EP400: variants seen among roughly 807,000 people sequenced by gnomAD.
EP400 encodes E1A binding protein p400.
EP400 carries 105 observed loss-of-function variants against 354.1 expected under a neutral mutation model. The observed-to-expected ratio is 0.30, with a 90% confidence interval of 0.25 to 0.35. The LOEUF (loss-of-function observed/expected upper bound fraction) is 0.35, where lower values mean the gene tolerates loss of function less well. Among genes scored for constraint, EP400 ranks in the 10% least tolerant of loss-of-function variants. The probability of loss-of-function intolerance (pLI) is 1.00; values close to 1 mark genes in which losing one functional copy is unlikely to be tolerated. For missense variants in EP400, 3,280 were observed against 4,121.0 expected, an observed-to-expected ratio of 0.80 and a Z score of 5.59; for synonymous variants, 1,646 against 1,716.9, an observed-to-expected ratio of 0.96 and a Z score of 1.02.
intron 51 of EP400, among the ~76,000 whole-genome samples, chr12:132,073,919 GTTTTT>G (rs34186152): frequency 2.4e-5 from 2 of 82,122 alleles, no homozygotes; most frequent in African/African-American, 5.7e-5. Flanking sequence ...GTTTTTTGGG[GTTTTT>G]TTTTTTTTTT....
Position 131,960,742 on chromosome 12 carries a change from C to T in EP400, c.123C>T (p.Pro41=), listed in dbSNP as rs1013165044. Residue 41 remains proline, a synonymous_variant, in exon 2 of 53, where the codon CCC becomes CCT. Coordinates refer to ENST00000389561, the MANE Select transcript of EP400 (RefSeq NM_015409.5). ...HPNPPPSPAA[P]FAPSASPSAP... ...ACCCACCCCCGTCCCCCGCAGCTCC[C>T]TTCGCTCCCTCAGCAAGCCCGTCGG... is the stretch of plus-strand genomic sequence containing the variant. 2.5e-6 allele frequency: 4 copies of T among 1,611,102 alleles called. No individual in the cohort carries two copies. Among genetic ancestry groups the T allele is most frequent in the Non-Finnish European group, 3.4e-6 (4 of 1,179,550 alleles).
At chr12:132,037,033 T>C (rs1470312740) in intron 30 of EP400, among the ~76,000 whole-genome samples, 1 of 152,212 alleles carries the variant, frequency 6.6e-6, no homozygotes, top group Admixed American at 6.5e-5. Context: ...GTGAGCTTTT[T>C]TGAGGTTTAG....
Position 131,985,622 on chromosome 12 carries a change from T to G in EP400, c.1930-892T>G, listed in dbSNP as rs140859564. Among the ~76,000 whole-genome samples the G allele has an allele frequency of 2.1e-3, 322 of 152,344 alleles. 3 individuals carry two copies. Among genetic ancestry groups the G allele is most frequent in the African/African-American group, 7.4e-3 (306 of 41,582 alleles). On this transcript the variant is annotated intron_variant, in intron 5 of 52. Transcript: ENST00000389561. ...GTGCGAAGAGGAGGACTTTTCTTTT[T>G]TTGAGACGGAGTTTTGCTCTTGTTC...
chr12:132,009,766 C>G (rs1348224288), intron 15 of EP400, among the ~76,000 whole-genome samples: 1 of 151,232 alleles, frequency 6.6e-6, no homozygotes, highest in Non-Finnish European at 1.5e-5. Flanking sequence ...CTCCAGTGAT[C>G]AACCCTCCTG....
chr12:132,061,961 A>G (rs1895709613), intron 45 of EP400, 149 bp from the exon 46 acceptor site: 6 of 654,496 alleles, frequency 9.2e-6, no homozygotes, highest in Middle Eastern at 4.2e-4. Context: ...TACACATGAA[A>G]TCAGCAGTTT....
In EP400 at chr12:132,060,001, T is replaced by C. The variant is rs563476575; in HGVS notation, c.7885-2109T>C. 3.3e-5 allele frequency among the ~76,000 whole-genome samples: 5 copies of C among 151,370 alleles called. No individual in the cohort carries two copies. The East Asian group carries it at 7.8e-4, about 23-fold the overall frequency. ...TCACACCATTGCTCTCCAGCCTGGG[T>C]GACAGAGCGAGACTCCGTTAAAAAA... On this transcript the variant is annotated intron_variant, in intron 45 of 52. Coordinates refer to ENST00000389561, the MANE Select transcript of EP400 (RefSeq NM_015409.5).
At chr12:132,033,240 G>A (rs914343457) in intron 30 of EP400, among the ~76,000 whole-genome samples, 8 of 152,094 alleles carry the variant, frequency 5.3e-5, no homozygotes, top group East Asian at 1.9e-4. Context: ...GAGCCACCGC[G>A]CCTGGCCTAT....
Position 131,990,160 on chromosome 12 carries a change from G to T in EP400, c.2550+56G>T, listed in dbSNP as rs1297752087. ...GAATCAGTCTGTCGGAGCTGGTGAG[G>T]CCACTTCCCGAGACCAGAGCTCGGG... On this transcript the variant is annotated intron_variant, in intron 8 of 52. Transcript: ENST00000389561. This position sits in a 1 kb window ranked among gnomAD's most constrained non-coding sequence, Gnocchi z 4.2. The T allele has an allele frequency of 3.9e-6, 6 of 1,551,676 alleles. No individual in the cohort carries two copies. The highest frequency in any genetic ancestry group is 5.2e-6 in the Non-Finnish European group (6 of 1,154,556).
chr12:132,058,279 G>A (rs918807790), intron 45 of EP400, among the ~76,000 whole-genome samples: 4 of 151,672 alleles, frequency 2.6e-5, no homozygotes, highest in Non-Finnish European at 4.4e-5. Context: ...TTATTGAGTG[G>A]CTTCTGTGTG....
Position 132,054,703 on chromosome 12 carries a change from G to A in EP400, c.7729-271G>A, listed in dbSNP as rs557180007. On this transcript the variant is annotated intron_variant, in intron 43 of 52. Transcript: ENST00000389561. This position sits in a 1 kb window ranked among gnomAD's most constrained non-coding sequence, Gnocchi z 4.0. The stretch of plus-strand genomic sequence containing the variant: ...GGGTGGATGAATGGAGTGGAGGGAC[G>A]GAGGAGTGGAGGGACAGTGGGGTGA... Among the ~76,000 whole-genome samples, 8 of 152,040 alleles carry A rather than the reference G, an allele frequency of 5.3e-5. No individual in the cohort carries two copies. The highest frequency in any genetic ancestry group is 1.3e-4 in the Admixed American group (2 of 15,276).
chr12:132,032,410 A>T (rs1416032906), intron 30 of EP400, among the ~76,000 whole-genome samples: 3 of 152,114 alleles, frequency 2.0e-5, no homozygotes, highest in African/African-American at 7.2e-5. Context: ...TATACTCAAC[A>T]TTTGCTTGAA....
rs913709941 is a variant in EP400 at position 132,021,305 on chromosome 12, C to G, written c.4674C>G (p.Ala1558=). The G allele has an allele frequency of 6.6e-7, 1 of 1,521,984 alleles. No individual in the cohort carries two copies. The highest frequency in any genetic ancestry group is 2.0e-5 in the Admixed American group (1 of 49,166). The allele number at this position is 1,521,984 out of a possible 1,614,324, so 94.3% of individuals were successfully genotyped here. ...LPQRLVLPSQ[A]QARLPSGEVV... ...AGAGGCTGGTGCTCCCCTCGCAGGC[C>G]CAGGCCCGCTTGCCCAGTAAGTGGC... The change falls in exon 23 of 53, where the codon GCC becomes GCG. Residue 1558 remains alanine, a synonymous_variant. Transcript: ENST00000389561.
intron 5 of EP400, among the ~76,000 whole-genome samples, chr12:131,983,932 G>A (rs370780001): frequency 6.6e-6 from 1 of 151,086 alleles, no homozygotes; most frequent in South Asian, 2.1e-4. Flanking sequence ...ACGGAGTTTC[G>A]CTCTTGTTAC....
At position 132,045,772 on chromosome 12, in the gene EP400, T is replaced by C; in HGVS notation, c.7072T>C (p.Ser2358Pro). The change falls in exon 39 of 53, where the codon TCA (serine) becomes CCA (proline). Residue 2358 changes from serine to proline, a missense_variant. Coordinates refer to ENST00000389561, the MANE Select transcript of EP400 (RefSeq NM_015409.5). Reference protein sequence around the residue: ...LELPLNLTIVSPAHTPNWDLV... With the variant: ...LELPLNLTIVPPAHTPNWDLV... Reference sequence around the variant, plus strand: ...GCTGCCTTTGAACCTCACAATCGTGTCACCTGCTCACACACCTAATTGGGA... The same window carrying C: ...GCTGCCTTTGAACCTCACAATCGTGCCACCTGCTCACACACCTAATTGGGA... 1 of 1,614,236 alleles carries C rather than the reference T, an allele frequency of 6.2e-7. No individual in the cohort carries two copies. The highest frequency in any genetic ancestry group is 8.5e-7 in the Non-Finnish European group (1 of 1,180,038).
intron 12 of EP400, among the ~76,000 whole-genome samples, chr12:132,000,496 G>GT (rs1259034535): frequency 6.6e-6 from 1 of 152,164 alleles, no homozygotes; most frequent in Non-Finnish European, 1.5e-5. Flanking sequence ...GCATTATCCA[G>GT]TTCTTATCCT....
Position 132,066,608 on chromosome 12 carries a change from T to TC in EP400, c.8554-163dup, listed in dbSNP as rs1276357722. 6.1e-5 allele frequency: 43 copies of TC among 710,424 alleles called. 1 individual carries two copies. In the Middle Eastern group the frequency reaches 1.8e-3, roughly 30 times the overall value. 44.0% of individuals were successfully genotyped at this position (710,424 alleles called of 1,614,324 possible). A position where few individuals can be genotyped will look rare whatever the true frequency, so the allele number is the denominator to read the frequency against. On this transcript the variant is annotated intron_variant, in intron 48 of 52. Transcript: ENST00000389561. ...GCGGGCTGACCTGTGACTTGACATTTCCCTGCGGCGTGCAGATCTCTCAGT... is the reference window on the plus strand; with the variant it reads ...GCGGGCTGACCTGTGACTTGACATTTCCCCTGCGGCGTGCAGATCTCTCAGT...
chr12:131,985,887 C>A (rs537976847), intron 5 of EP400, among the ~76,000 whole-genome samples: 1 of 152,316 alleles, frequency 6.6e-6, no homozygotes, highest in African/African-American at 2.4e-5. Context: ...GTATTATAGG[C>A]GTGAGCCACT....
At chr12:131,954,157 A>T (rs1007101420) in intron 1 of EP400, among the ~76,000 whole-genome samples, 1 of 151,984 alleles carries the variant, frequency 6.6e-6, no homozygotes, top group African/African-American at 2.4e-5. Context: ...TATACCTGCC[A>T]CTTAGTTTCC....
At chr12:132,066,653 A>G (rs1895902914) in intron 48 of EP400, 121 bp from the exon 49 acceptor site, 45 of 1,061,180 alleles carry the variant, frequency 4.2e-5, no homozygotes, top group Non-Finnish European at 5.7e-5. Flanking sequence ...CTGTTGGGCC[A>G]CTTTAAACTT....
Sources: gnomAD v4.1 joint callset for allele counts (sites outside exome capture counted in the v4.1 genomes callset) on GRCh38, gnomAD v4.1.1 for gene constraint, Gnocchi (gnomAD v3.1) non-coding constraint, MANE v1.5 for transcripts, NCBI Gene and HGNC (gene_info 2026-07-23, HGNC 2026-07-21) for gene names.